The following SPOP variants were observed in gnomAD, a reference collection of about 807,000 sequenced individuals.
The protein encoded by SPOP is speckle-type POZ protein.
SPOP carries 11 observed loss-of-function variants against 45.6 expected under a neutral mutation model. The observed-to-expected ratio is 0.24, with a 90% CI of 0.15 to 0.40. SPOP has a LOEUF of 0.40. SPOP is among the 10% of genes least tolerant of loss of function. The pLI, the probability that SPOP is intolerant of heterozygous loss-of-function variation, is 1.00. For missense variants in SPOP, 152 were observed against 465.6 expected (o/e 0.33, Z 6.20); for synonymous variants, 166 against 166.3 (o/e 1.00, Z 0.01).
intron 1 of SPOP, among the ~76,000 whole-genome samples, chr17:49,665,449 C>G (rs183914414): frequency 6.6e-6 from 1 of 151,430 alleles, no homozygotes; most frequent in African/African-American, 2.4e-5. Context: ...CCCGTCTCTA[C>G]TAAAAATACA....
intron 1 of SPOP, among the ~76,000 whole-genome samples, chr17:49,674,273 GAA>G (rs752417196): frequency 6.6e-6 from 1 of 152,230 alleles, no homozygotes; most frequent in Non-Finnish European, 1.5e-5. Context: ...AGTTTGAGTA[GAA>G]TTGCTATTAG....
chr17:49,653,657 T>C, intron 1 of SPOP, among the ~76,000 whole-genome samples: 1 of 151,806 alleles, frequency 6.6e-6, no homozygotes. Context: ...TGACTCCCAC[T>C]TGAGCATCTA....
intron 1 of SPOP, chr17:49,646,732 G>C (rs1046848483): frequency 1.4e-4 from 21 of 152,144 alleles, no homozygotes; most frequent in Non-Finnish European, 2.8e-4. Flanking sequence ...GAGGCACACA[G>C]AGCAAGCAAG....
chr17:49,632,215 A>G (rs2072463616), intron 1 of SPOP, among the ~76,000 whole-genome samples: 1 of 152,248 alleles, frequency 6.6e-6, no homozygotes. Context: ...AAACAATAAA[A>G]CATTTTAAAA....
chr17:49,631,198 A>G (rs1343434228), intron 1 of SPOP, among the ~76,000 whole-genome samples: 1 of 152,266 alleles, frequency 6.6e-6, no homozygotes, highest in East Asian at 1.9e-4. Context: ...ACTATTTATA[A>G]AACACGTGAA....
intron 8 of SPOP, 152 bp downstream of exon 8, chr17:49,607,098 T>C (rs974287798): frequency 1.8e-5 from 15 of 831,502 alleles, no homozygotes; most frequent in Non-Finnish European, 2.8e-5. Context: ...CTATTAATAA[T>C]TGTGTTGGAA....
At chr17:49,636,123 G>C (rs1464560182) in intron 1 of SPOP, 1 of 151,988 alleles carries the variant, frequency 6.6e-6, no homozygotes, top group East Asian at 1.9e-4. Flanking sequence ...TCAGTCTCTT[G>C]AGTAGTTGGA....
chr17:49,639,568 T>C (rs1323229141), intron 1 of SPOP, among the ~76,000 whole-genome samples: 4 of 152,198 alleles, frequency 2.6e-5, no homozygotes, highest in Non-Finnish European at 5.9e-5. Context: ...CAGTTCTATA[T>C]AGTAACATGG....
At chr17:49,602,225 GCCATTAGAGTT>G in intron 8 of SPOP, 1 of 483,498 alleles carries the variant, frequency 2.1e-6, no homozygotes, top group Non-Finnish European at 3.5e-6. Context: ...TTGGAAAGCT[GCCATTAGAGTT>G]CTAAAGTCTA....
chr17:49,678,103 G>C, upstream of SPOP: 1 of 397,194 alleles, frequency 2.5e-6, no homozygotes, highest in Non-Finnish European at 4.4e-6. Context: ...GCGTCATGGC[G>C]TCAGCACGTC....
chr17:49,644,095 G>A (rs1220977940), intron 1 of SPOP, among the ~76,000 whole-genome samples: 1 of 152,080 alleles, frequency 6.6e-6, no homozygotes, highest in Non-Finnish European at 1.5e-5. Flanking sequence ...GCCAGGTGCT[G>A]TGGCTCACAC....
At chr17:49,638,720 A>G (rs888768704) in intron 1 of SPOP, among the ~76,000 whole-genome samples, 4 of 152,070 alleles carry the variant, frequency 2.6e-5, no homozygotes, top group African/African-American at 7.2e-5. Flanking sequence ...CAAATGAGCC[A>G]TCACCAAAAA....
At chr17:49,611,886 C>CT (rs58317598) in intron 5 of SPOP, among the ~76,000 whole-genome samples, 115,826 of 146,300 alleles carry the variant, frequency 0.79, 46,252 homozygotes, top group East Asian at 0.99. Flanking sequence ...AATCTGATCA[C>CT]TTTTTTTTTT....
At chr17:49,674,700 C>G (rs978740848) in intron 1 of SPOP, among the ~76,000 whole-genome samples, 1 of 152,140 alleles carries the variant, frequency 6.6e-6, no homozygotes, top group African/African-American at 2.4e-5. Flanking sequence ...TCAGAGCTAT[C>G]AAAAGGAGAT....
intron 1 of SPOP, among the ~76,000 whole-genome samples, chr17:49,676,604 G>C (rs1180184577): frequency 6.6e-6 from 1 of 152,116 alleles, no homozygotes; most frequent in African/African-American, 2.4e-5. Context: ...CTAGGAGACG[G>C]GATTGGCAAG....
intron 1 of SPOP, among the ~76,000 whole-genome samples, chr17:49,628,351 G>T (rs1402005777): frequency 6.6e-6 from 1 of 152,164 alleles, no homozygotes; most frequent in Non-Finnish European, 1.5e-5. Context: ...TCTGTCAACT[G>T]TAATACTGCT....
intron 1 of SPOP, among the ~76,000 whole-genome samples, chr17:49,637,387 G>C (rs1265365532): frequency 6.6e-6 from 1 of 152,082 alleles, no homozygotes; most frequent in Non-Finnish European, 1.5e-5. Context: ...TCTCAGCTCT[G>C]TTAGCCAGGC....
chr17:49,618,708 T>C (rs2286901), intron 5 of SPOP: 7,787 of 491,498 alleles, frequency 0.016, 231 homozygotes, highest in East Asian at 0.11. Context: ...AATCCCACAG[T>C]GAAAACTCCT....
chr17:49,619,238 A>C lies in SPOP; in HGVS notation c.348T>G (p.Ala116=), dbSNP rs1399114184. ...AACAAAGAGGAGAACATTTACCCATAGCTTTGGTTTCTTCTCCCTTGGCAT... is the reference window on the plus strand; with the variant it reads ...AACAAAGAGGAGAACATTTACCCATCGCTTTGGTTTCTTCTCCCTTGGCAT... ...ILNAKGEETK[A]MESQRAYRFV... Residue 116 remains alanine (A), a synonymous_variant, in exon 4 of 10, where the codon GCT becomes GCG. Coordinates refer to ENST00000504102, the MANE Select transcript of SPOP (RefSeq NM_001007228.2). The surrounding 1 kb of genome is among the most constrained non-coding windows in gnomAD (Gnocchi z 4.9). The C allele has an allele frequency of 2.5e-6, 4 of 1,614,072 alleles. No homozygotes were observed. The highest frequency in any genetic ancestry group is 3.4e-6 in the Non-Finnish European group (4 of 1,180,036).
Sources: allele counts gnomAD v4.1 joint callset (sites outside exome capture counted in the v4.1 genomes callset), GRCh38; gene constraint gnomAD v4.1.1; non-coding constraint Gnocchi (gnomAD v3.1); transcripts MANE v1.5; gene names NCBI Gene and HGNC (gene_info 2026-07-23, HGNC 2026-07-21).